CARHSP1: variants seen among roughly 807,000 people sequenced by gnomAD.
CARHSP1 encodes calcium-regulated heat-stable protein 1.
A neutral mutation model predicts 12.5 loss-of-function variants in CARHSP1; 14 were observed. The observed-to-expected ratio is 1.12, with a 90% confidence interval of 0.74 to 1.75. CARHSP1 has a LOEUF of 1.75. Ranked by LOEUF, CARHSP1 falls within the 40% of genes most tolerant of loss-of-function variation. The pLI is 0.00. For missense variants in CARHSP1, 343 were observed against 201.6 expected, an observed-to-expected ratio of 1.70 and a Z score of -4.25; for synonymous variants, 161 against 82.0, an observed-to-expected ratio of 1.96 and a Z score of -5.20.
rs756390920 is a variant in CARHSP1 at position 8,857,263 on chromosome 16, GTTTT to G, written c.281+1083_281+1086del. ...TGGCTATGTGATCTTGGGCAGATCT[GTTTT>G]TTTTTTTTTTTTTTTTTTTTTTTTT... On this transcript the variant is annotated intron_variant, in intron 3 of 3. Coordinates refer to ENST00000311052, the MANE Select transcript of CARHSP1 (RefSeq NM_014316.4). 3.7e-4 allele frequency among the ~76,000 whole-genome samples: 21 copies of G among 57,030 alleles called. 2 individuals are homozygous for G. The highest frequency in any genetic ancestry group is 8.9e-4 in the East Asian group (1 of 1,120). The allele number at this position is 57,030 out of a possible 152,430, so 37.4% of individuals were successfully genotyped here.
chr16:8,853,245 AG>A lies in CARHSP1; in HGVS notation c.*1918del. Reference sequence around the variant, plus strand: ...GGGTCACAGGAGAGAGGCTTGGGGCAGTGAAAGCCCTCTCGGGTCTTGGCTG... The same window carrying A: ...GGGTCACAGGAGAGAGGCTTGGGGCATGAAAGCCCTCTCGGGTCTTGGCTG... On this transcript the variant is annotated 3_prime_UTR_variant, in exon 4 of 4. Coordinates refer to ENST00000311052, the MANE Select transcript of CARHSP1 (RefSeq NM_014316.4). 6.6e-6 allele frequency: 1 copy of A among 152,324 alleles called. No individual in the cohort carries two copies. Among genetic ancestry groups the A allele is most frequent in the South Asian group, 2.1e-4 (1 of 4,830 alleles). 9.4% of individuals were successfully genotyped at this position (152,324 alleles called of 1,614,324 possible).
In CARHSP1 at chr16:8,855,243, T is replaced by C. The variant is rs2061059794; in HGVS notation, c.365A>G (p.Gln122Arg). Residue 122 changes from glutamine to arginine, a missense_variant, in exon 4 of 4, where the codon CAG (glutamine) becomes CGG (arginine). Coordinates refer to ENST00000311052, the MANE Select transcript of CARHSP1 (RefSeq NM_014316.4). Reference sequence around the variant, plus strand: ...GTGAGTGATGACGACCTCCACGGCCTGCAGCTTCTCATTCTTGGGTGGGAT... The same window carrying C: ...GTGAGTGATGACGACCTCCACGGCCCGCAGCTTCTCATTCTTGGGTGGGAT... ...CSIPPKNEKL[Q>R]AVEVVITHLA... The C allele has an allele frequency of 1.2e-6, 2 of 1,613,370 alleles. No homozygotes were observed. Among genetic ancestry groups the C allele is most frequent in the Non-Finnish European group, 8.5e-7 (1 of 1,179,540 alleles).
chr16:8,857,023 A>T (rs997169962), intron 3 of CARHSP1, among the ~76,000 whole-genome samples: 1 of 152,128 alleles, frequency 6.6e-6, no homozygotes, highest in Non-Finnish European at 1.5e-5. Flanking sequence ...CAGCCTCACC[A>T]GTCCACCTCC....
At position 8,855,007 on chromosome 16, in the gene CARHSP1, ACCTG is replaced by A; in HGVS notation, c.*153_*156del. 4.1e-6 allele frequency: 2 copies of A among 482,944 alleles called. No individual in the cohort carries two copies. Among genetic ancestry groups the A allele is most frequent in the Non-Finnish European group, 7.0e-6 (2 of 286,756 alleles). The allele number at this position is 482,944 out of a possible 1,614,324, so 29.9% of individuals were successfully genotyped here. ...TGGCCGGGAACACCCCACACCCCAC[ACCTG>A]CCCCCCATACCCCTTCCTCCAGGAG... On this transcript the variant is annotated 3_prime_UTR_variant, in exon 4 of 4. Coordinates refer to ENST00000311052, the MANE Select transcript of CARHSP1 (RefSeq NM_014316.4).
At chr16:8,859,076 G>C in intron 2 of CARHSP1, 95 bp downstream of exon 2, 1 of 1,263,720 alleles carries the variant, frequency 7.9e-7, no homozygotes, top group Non-Finnish European at 1.1e-6. Flanking sequence ...GGCAGTCCGG[G>C]ACATAGGCCC....
In CARHSP1 at chr16:8,854,858, G is replaced by A. The variant is rs2061045406; in HGVS notation, c.*306C>T. The A allele has an allele frequency of 4.2e-6, 1 of 236,912 alleles. No homozygotes were observed. Among genetic ancestry groups the A allele is most frequent in the African/African-American group, 2.2e-5 (1 of 44,552 alleles). 14.7% of individuals were successfully genotyped at this position (236,912 alleles called of 1,614,324 possible). ...GAGCAGCTGGAGAAATACCACCCTT[G>A]ATCCACTCCCTGGGATGGGGTTGGA... is the stretch of plus-strand genomic sequence containing the variant. On this transcript the variant is annotated 3_prime_UTR_variant, in exon 4 of 4. Transcript: ENST00000311052.
chr16:8,866,368 G>T, intron 1 of CARHSP1: 2 of 887,944 alleles, frequency 2.3e-6, no homozygotes, highest in Non-Finnish European at 2.7e-6. Flanking sequence ...GCAGGAGGTG[G>T]AAGGGAAATG....
Position 8,855,330 on chromosome 16 carries a change from C to T in CARHSP1, c.282-4G>A, listed in dbSNP as rs2231709. The T allele has an allele frequency of 0.055, 86,068 of 1,564,238 alleles. 2,735 individuals are homozygous for T. The highest frequency in any genetic ancestry group is 0.066 in the Middle Eastern group (385 of 5,850). On this transcript the variant is annotated splice_region_variant and splice_polypyrimidine_tract_variant and intron_variant, in intron 3 of 3. Coordinates refer to ENST00000311052, the MANE Select transcript of CARHSP1 (RefSeq NM_014316.4). ...TGGGACATACTCCCCTTCCACACTA[C>T]GGGGGCATAAATAAAGCAGTCAGGG...
intron 1 of CARHSP1, among the ~76,000 whole-genome samples, chr16:8,865,588 G>T (rs1323311012): frequency 1.3e-5 from 2 of 152,226 alleles, no homozygotes; most frequent in Admixed American, 6.5e-5. Flanking sequence ...GAAGGCCAGG[G>T]TTGGGCATGG....
chr16:8,862,575 G>T (rs1437318941), intron 1 of CARHSP1, among the ~76,000 whole-genome samples: 1 of 152,160 alleles, frequency 6.6e-6, no homozygotes, highest in African/African-American at 2.4e-5. Flanking sequence ...GGGGGAGAAG[G>T]GTGGGAATAC....
At chr16:8,864,709 G>A (rs560678254) in intron 1 of CARHSP1, among the ~76,000 whole-genome samples, 9 of 152,298 alleles carry the variant, frequency 5.9e-5, no homozygotes, top group South Asian at 2.1e-4. Flanking sequence ...ATGAGTGCCC[G>A]GCCAAGGGAG....
chr16:8,865,329 C>G (rs139856541), intron 1 of CARHSP1, among the ~76,000 whole-genome samples: 1 of 152,182 alleles, frequency 6.6e-6, no homozygotes, highest in Non-Finnish European at 1.5e-5. Context: ...AATCTGGTCT[C>G]GGACTCCTGA....
chr16:8,854,900 CA>C lies in CARHSP1; in HGVS notation c.*263del, dbSNP rs2061046905. ...GGGGTTGGAACCTCCACTCAGCCAC[CA>C]GTGGGCACCTCTCCTTTTTAAATGC... On this transcript the variant is annotated 3_prime_UTR_variant, in exon 4 of 4. Transcript: ENST00000311052. 4 of 309,024 alleles carry C rather than the reference CA, an allele frequency of 1.3e-5. No homozygotes were observed. Among genetic ancestry groups the C allele is most frequent in the Non-Finnish European group, 2.4e-5 (4 of 169,106 alleles). 19.1% of individuals were successfully genotyped at this position (309,024 alleles called of 1,614,324 possible). A position where few individuals can be genotyped will look rare whatever the true frequency, so the allele number is the denominator to read the frequency against.
At chr16:8,860,646 G>A (rs2061324891) in intron 1 of CARHSP1, 2 of 170,836 alleles carry the variant, frequency 1.2e-5, no homozygotes, top group South Asian at 2.5e-4. Flanking sequence ...ACGAGATGAA[G>A]TAGGGAGAAG....
At chr16:8,858,316 C>A (rs746932306) in intron 3 of CARHSP1, 34 bp downstream of exon 3, 1 of 1,607,698 alleles carries the variant, frequency 6.2e-7, no homozygotes, top group East Asian at 2.2e-5. Context: ...AGCGCCCACC[C>A]CAGCCAGGCC....
Position 8,853,277 on chromosome 16 carries a change from G to A in CARHSP1, c.*1887C>T, listed in dbSNP as rs1326301708. The A allele has an allele frequency of 6.6e-6, 1 of 152,220 alleles. No individual in the cohort carries two copies. The highest frequency in any genetic ancestry group is 1.5e-5 in the Non-Finnish European group (1 of 68,082). 9.4% of individuals were successfully genotyped at this position (152,220 alleles called of 1,614,324 possible). ...GCCCTCTCGGGTCTTGGCTGTGGAA[G>A]TGTGGACTGTACCAGCAGATGGGCC... On this transcript the variant is annotated 3_prime_UTR_variant, in exon 4 of 4. Coordinates refer to ENST00000311052, the MANE Select transcript of CARHSP1 (RefSeq NM_014316.4).
At chr16:8,861,720 G>T in intron 1 of CARHSP1, 1 of 1,288,106 alleles carries the variant, frequency 7.8e-7, no homozygotes, top group Non-Finnish European at 1.0e-6. Context: ...CCTGAGTCCG[G>T]GGAGCCCCCA....
intron 3 of CARHSP1, among the ~76,000 whole-genome samples, chr16:8,857,032 C>T (rs1457665623): frequency 1.3e-5 from 2 of 152,106 alleles, no homozygotes; most frequent in South Asian, 2.1e-4. Flanking sequence ...CAGTCCACCT[C>T]CCCCAAAGGA....
rs763033472 is a variant in CARHSP1, at chr16:8,859,212, G to A, written c.117C>T (p.Val39=). The change falls in exon 2 of 4, where the codon GTC becomes GTT. Residue 39 remains valine, a synonymous_variant. Coordinates refer to ENST00000311052, the MANE Select transcript of CARHSP1 (RefSeq NM_014316.4). The part of the protein sequence containing the change: ...RSPSPLRGNV[V]PSPLPTRRTR... Reference sequence around the variant, plus strand: ...TCCGGCGAGTGGGCAGTGGGCTTGGGACCACGTTGCCCCGCAGAGGGGATG... The same window carrying A: ...TCCGGCGAGTGGGCAGTGGGCTTGGAACCACGTTGCCCCGCAGAGGGGATG... 6 of 1,603,810 alleles carry A rather than the reference G, an allele frequency of 3.7e-6. No individual in the cohort carries two copies. Among genetic ancestry groups the A allele is most frequent in the Non-Finnish European group, 4.2e-6 (5 of 1,176,724 alleles).
Sources: allele counts gnomAD v4.1 joint callset (sites outside exome capture counted in the v4.1 genomes callset), GRCh38; gene constraint gnomAD v4.1.1; transcripts MANE v1.5; gene names NCBI Gene and HGNC (gene_info 2026-07-23, HGNC 2026-07-21).